RGS20: variants seen among roughly 807,000 people sequenced by gnomAD.
RGS20 encodes the protein gz-selective GTPase-activating protein.
Under a neutral mutation model 33.6 loss-of-function variants are expected in RGS20, and 30 were observed. The observed-to-expected ratio is 0.89, with a 90% CI of 0.67 to 1.21. The LOEUF (loss-of-function observed/expected upper bound fraction) is 1.21, where lower values mean the gene tolerates loss of function less well. RGS20 is among the 50% of genes most tolerant of loss of function. The pLI is 0.00. For missense variants in RGS20, 472 were observed against 502.4 expected (o/e 0.94, Z 0.58); for synonymous variants, 208 against 197.9 (o/e 1.05, Z -0.43).
chr8:53,852,534 GT>G (rs1166865406), intron 1 of RGS20, among the ~76,000 whole-genome samples: 1 of 152,100 alleles, frequency 6.6e-6, no homozygotes, highest in Non-Finnish European at 1.5e-5. Context: ...CAAATTCAAA[GT>G]TTCCAAAGGT....
chr8:53,933,080 C>T (rs868585774), intron 2 of RGS20, among the ~76,000 whole-genome samples: 5 of 152,162 alleles, frequency 3.3e-5, no homozygotes, highest in Admixed American at 6.5e-5. Flanking sequence ...ACAAAAAGGA[C>T]GTCCACACAG....
intron 4 of RGS20, among the ~76,000 whole-genome samples, chr8:53,948,616 GATACAGTACATATTTACATATGCTATATA>G (rs1327645824): frequency 1.8e-5 from 2 of 111,738 alleles, no homozygotes; most frequent in Non-Finnish European, 1.8e-5. Context: ...TGCTATATAT[GATACAGTACATATTTACATATGCTATATA>G]TAAGATACAG....
intron 2 of RGS20, chr8:53,879,789 G>A: frequency 2.1e-6 from 1 of 484,146 alleles, no homozygotes. Flanking sequence ...CCGGGACACC[G>A]CCCCTCCCCG....
chr8:53,900,722 A>G (rs1033310735), intron 2 of RGS20, among the ~76,000 whole-genome samples: 1 of 152,128 alleles, frequency 6.6e-6, no homozygotes, highest in African/African-American at 2.4e-5. Flanking sequence ...CAGGCCTCAC[A>G]AGTGGCAAAG....
At chr8:53,927,682 C>T (rs1219086774) in intron 2 of RGS20, among the ~76,000 whole-genome samples, 1 of 152,172 alleles carries the variant, frequency 6.6e-6, no homozygotes, top group Non-Finnish European at 1.5e-5. Flanking sequence ...CCAGCATTCT[C>T]TGCCAAACAG....
Position 53,879,564 on chromosome 8 carries a change from G to T in RGS20, c.472G>T (p.Glu158Ter), listed in dbSNP as rs761405471. ...CCCCCATCCGGTAGCCAAGCCCAGG[G>T]AAGAAGACGCCACCGCTGGGCAGAG... Residue 158 changes from glutamate to a stop codon, truncating the protein, a stop_gained, in exon 2 of 6, where the codon GAA becomes TAA. Coordinates refer to ENST00000297313, the MANE Select transcript of RGS20 (RefSeq NM_170587.4). LOFTEE classifies it high-confidence loss of function. The T allele has an allele frequency of 6.5e-7, 1 of 1,539,588 alleles. No individual in the cohort carries two copies. The highest frequency in any genetic ancestry group is 1.2e-5 in the South Asian group (1 of 82,920).
chr8:53,909,641 T>C (rs574893742), intron 2 of RGS20, among the ~76,000 whole-genome samples: 1 of 152,320 alleles, frequency 6.6e-6, no homozygotes, highest in Admixed American at 6.5e-5. Flanking sequence ...TTTGGAGATA[T>C]ATTAATGTTC....
At chr8:53,942,163 C>T (rs1177071500) in intron 3 of RGS20, among the ~76,000 whole-genome samples, 1 of 152,138 alleles carries the variant, frequency 6.6e-6, no homozygotes, top group Admixed American at 6.5e-5. Context: ...ATCCCAGCTA[C>T]TCAGGAGGCT....
At chr8:53,880,973 C>T in intron 2 of RGS20, 2 of 1,585,116 alleles carry the variant, frequency 1.3e-6, no homozygotes, top group Non-Finnish European at 8.5e-7. Flanking sequence ...GTAGAGAGGG[C>T]AGCCCTCCGC....
intron 4 of RGS20, among the ~76,000 whole-genome samples, chr8:53,948,468 T>C (rs1814606618): frequency 7.2e-6 from 1 of 138,244 alleles, no homozygotes; most frequent in African/African-American, 2.7e-5. Flanking sequence ...TATGATACAG[T>C]ATATATTTAC....
At chr8:53,905,189 T>C (rs916480592) in intron 2 of RGS20, among the ~76,000 whole-genome samples, 8 of 152,202 alleles carry the variant, frequency 5.3e-5, no homozygotes, top group African/African-American at 1.9e-4. Flanking sequence ...CCAGTTGACT[T>C]CCCCTACTAG....
At chr8:53,853,981 G>A (rs1025511580) in intron 1 of RGS20, among the ~76,000 whole-genome samples, 9 of 152,234 alleles carry the variant, frequency 5.9e-5, no homozygotes, top group Admixed American at 4.6e-4. Flanking sequence ...GGCAGAAAGA[G>A]GGAACGTGAG....
At chr8:53,870,406 A>G (rs1585869452) in intron 1 of RGS20, among the ~76,000 whole-genome samples, 1 of 152,168 alleles carries the variant, frequency 6.6e-6, no homozygotes, top group South Asian at 2.1e-4. Context: ...TTTCACCTTT[A>G]TGAGTTTCTG....
intron 2 of RGS20, among the ~76,000 whole-genome samples, 165 bp from the exon 2 acceptor site, chr8:53,939,411 T>G (rs1166736251): frequency 6.6e-6 from 1 of 152,226 alleles, no homozygotes; most frequent in Non-Finnish European, 1.5e-5. Flanking sequence ...GATACATTAA[T>G]TGATCCTAAG....
At chr8:53,858,240 A>G (rs1741380122) in intron 1 of RGS20, among the ~76,000 whole-genome samples, 1 of 152,104 alleles carries the variant, frequency 6.6e-6, no homozygotes, top group Non-Finnish European at 1.5e-5. Flanking sequence ...CTGTAGTCCC[A>G]GCGTTTGGGA....
chr8:53,855,783 C>G (rs1046208036), intron 1 of RGS20, among the ~76,000 whole-genome samples: 4 of 152,186 alleles, frequency 2.6e-5, no homozygotes. Context: ...AAAAGCAAAC[C>G]TCTAAAGGCA....
At chr8:53,916,706 G>C (rs1471397616) in intron 2 of RGS20, among the ~76,000 whole-genome samples, 9 of 152,160 alleles carry the variant, frequency 5.9e-5, no homozygotes, top group Non-Finnish European at 1.3e-4. Context: ...GAGACTTTCT[G>C]AGTGTCTAGT....
intron 1 of RGS20, among the ~76,000 whole-genome samples, chr8:53,857,237 T>A (rs1424055223): frequency 6.6e-6 from 1 of 152,240 alleles, no homozygotes; most frequent in Admixed American, 6.5e-5. Context: ...CTGCCGTGGC[T>A]AGCATGCACA....
At chr8:53,932,069 T>A (rs962805272) in intron 2 of RGS20, among the ~76,000 whole-genome samples, 1 of 152,198 alleles carries the variant, frequency 6.6e-6, no homozygotes, top group African/African-American at 2.4e-5. Flanking sequence ...TCTTTAAGAA[T>A]GTTGAATATC....
Sources: gnomAD v4.1 joint callset for allele counts (sites outside exome capture counted in the v4.1 genomes callset) on GRCh38, gnomAD v4.1.1 for gene constraint, MANE v1.5 for transcripts, NCBI Gene and HGNC (gene_info 2026-07-23, HGNC 2026-07-21) for gene names.